The following DCC variants were observed in gnomAD, a reference collection of about 807,000 sequenced individuals.
The protein encoded by DCC is netrin receptor DCC.
DCC carries 58 observed loss-of-function variants against 172.5 expected under a neutral mutation model. The ratio of observed to expected loss-of-function variants is 0.34; its 90% confidence interval spans 0.27 to 0.42. The LOEUF (loss-of-function observed/expected upper bound fraction) is 0.42, where lower values mean the gene tolerates loss of function less well. DCC is among the 10% of genes least tolerant of loss of function. The probability of loss-of-function intolerance (pLI) is 1.00; values close to 1 mark genes in which losing one functional copy is unlikely to be tolerated. For missense variants in DCC, 1,740 were observed against 1,791.0 expected, an observed-to-expected ratio of 0.97 and a Z score of 0.51; for synonymous variants, 709 against 644.5, an observed-to-expected ratio of 1.10 and a Z score of -1.52.
chr18:52,533,446 A>G (rs2032206058), intron 1 of DCC, among the ~76,000 whole-genome samples: 1 of 152,082 alleles, frequency 6.6e-6, no homozygotes. Flanking sequence ...ACCGATCTCC[A>G]TTTCTAAACC....
At chr18:52,794,664 T>A (rs924041840) in intron 2 of DCC, among the ~76,000 whole-genome samples, 1 of 152,110 alleles carries the variant, frequency 6.6e-6, no homozygotes, top group Non-Finnish European at 1.5e-5. Context: ...GCACTTCCAG[T>A]ACTATGCTGA....
At chr18:52,971,547 A>G (rs2041031035) in intron 5 of DCC, among the ~76,000 whole-genome samples, 1 of 151,864 alleles carries the variant, frequency 6.6e-6, no homozygotes, top group African/African-American at 2.4e-5. Flanking sequence ...ACACACAAAC[A>G]TATCTTCCCA....
intron 1 of DCC, among the ~76,000 whole-genome samples, chr18:52,479,994 T>C (rs2029891145): frequency 6.6e-6 from 1 of 152,110 alleles, no homozygotes; most frequent in African/African-American, 2.4e-5. Flanking sequence ...GATCATCAAT[T>C]CTATGTAATG....
intron 12 of DCC, among the ~76,000 whole-genome samples, chr18:53,224,346 A>G (rs971070955): frequency 1.3e-5 from 2 of 152,186 alleles, no homozygotes; most frequent in African/African-American, 4.8e-5. Context: ...CATGACTGTG[A>G]AGCTGAAATG....
intron 9 of DCC, among the ~76,000 whole-genome samples, chr18:53,200,168 C>T (rs976368365): frequency 5.3e-5 from 8 of 152,224 alleles, no homozygotes; most frequent in African/African-American, 9.6e-5. Flanking sequence ...GTACTTACTG[C>T]CTGATATTTC....
At chr18:52,965,629 T>A (rs1222674200) in intron 5 of DCC, among the ~76,000 whole-genome samples, 1 of 152,206 alleles carries the variant, frequency 6.6e-6, no homozygotes, top group Non-Finnish European at 1.5e-5. Context: ...TATTTGGTTA[T>A]TTCAATAAAT....
chr18:53,047,457 AT>A lies in DCC; in HGVS notation c.986-15847del, dbSNP rs1568268436. ...TATATATATATATATATATATATAT[AT>A]ATATACCATTTTTGCTATTGAGGAA... On this transcript the variant is annotated intron_variant, in intron 5 of 28. Coordinates refer to ENST00000442544, the MANE Select transcript of DCC (RefSeq NM_005215.4). Among the ~76,000 whole-genome samples the A allele has an allele frequency of 3.0e-5, 3 of 100,060 alleles. No individual in the cohort carries two copies. The East Asian group carries it at 1.1e-3, about 38-fold the overall frequency. The allele number at this position is 100,060 out of a possible 152,430, so 65.6% of individuals were successfully genotyped here.
intron 1 of DCC, among the ~76,000 whole-genome samples, chr18:52,707,068 C>T (rs1463328680): frequency 6.6e-6 from 1 of 152,076 alleles, no homozygotes; most frequent in African/African-American, 2.4e-5. Context: ...GAAAGTAATA[C>T]CCTTCAGTAA....
At chr18:52,948,584 C>G (rs2040586479) in intron 5 of DCC, among the ~76,000 whole-genome samples, 1 of 152,132 alleles carries the variant, frequency 6.6e-6, no homozygotes, top group East Asian at 1.9e-4. Flanking sequence ...AAATGGCATG[C>G]CTACATCACT....
At chr18:52,833,920 T>A (rs1006741935) in intron 2 of DCC, among the ~76,000 whole-genome samples, 1 of 152,118 alleles carries the variant, frequency 6.6e-6, no homozygotes, top group African/African-American at 2.4e-5. Context: ...GGCTTCGGCC[T>A]CCCAAAGTAC....
At chr18:52,881,281 A>G (rs2039481223) in intron 2 of DCC, among the ~76,000 whole-genome samples, 1 of 151,974 alleles carries the variant, frequency 6.6e-6, no homozygotes. Flanking sequence ...GTAGTTTGCA[A>G]ATATTTTCTT....
In DCC at chr18:53,163,996, A is replaced by C. The variant is rs117575958; in HGVS notation, c.1418+6484A>C. ...ACTTAAAGAAGAAGTTTATACCTCC[A>C]TTATACAGCTAGTAAGTAGTAGAAC... is the stretch of plus-strand genomic sequence containing the variant. On this transcript the variant is annotated intron_variant, in intron 8 of 28. Coordinates refer to ENST00000442544, the MANE Select transcript of DCC (RefSeq NM_005215.4). Among the ~76,000 whole-genome samples, 1,101 of 152,304 alleles carry C rather than the reference A, an allele frequency of 7.2e-3. 12 individuals carry two copies. Among genetic ancestry groups the C allele is most frequent in the Non-Finnish European group, 9.4e-3 (639 of 68,022 alleles).
At chr18:53,234,776 G>T (rs2056177519) in intron 12 of DCC, among the ~76,000 whole-genome samples, 1 of 152,172 alleles carries the variant, frequency 6.6e-6, no homozygotes, top group Admixed American at 6.5e-5. Context: ...CACACATGTG[G>T]ATTCTCAGTG....
chr18:52,504,145 G>A (rs1284932097), intron 1 of DCC, among the ~76,000 whole-genome samples: 1 of 152,150 alleles, frequency 6.6e-6, no homozygotes, highest in Non-Finnish European at 1.5e-5. Context: ...GCGTTGGGGA[G>A]GGGGGCTGGT....
At chr18:52,828,788 T>C (rs988660177) in intron 2 of DCC, among the ~76,000 whole-genome samples, 5 of 152,182 alleles carry the variant, frequency 3.3e-5, no homozygotes, top group Admixed American at 2.6e-4. Context: ...CCAGTTACTT[T>C]AGTAAGTGCT....
intron 1 of DCC, among the ~76,000 whole-genome samples, chr18:52,577,263 AG>A (rs1410050088): frequency 2.0e-5 from 3 of 152,248 alleles, no homozygotes; most frequent in Non-Finnish European, 4.4e-5. Context: ...ATCTGATGGA[AG>A]GGTAATGATA....
chr18:52,814,831 C>A (rs1030776172), intron 2 of DCC, among the ~76,000 whole-genome samples: 2 of 152,030 alleles, frequency 1.3e-5, no homozygotes, highest in African/African-American at 2.4e-5. Flanking sequence ...GCATGATTCT[C>A]TGAATGGAGG....
intron 5 of DCC, among the ~76,000 whole-genome samples, chr18:53,020,720 C>T (rs2041868467): frequency 2.0e-5 from 3 of 152,086 alleles, no homozygotes. Flanking sequence ...CAACATATTT[C>T]CCATTTAGAA....
chr18:52,810,183 T>C (rs2038166905), intron 2 of DCC, among the ~76,000 whole-genome samples: 1 of 152,124 alleles, frequency 6.6e-6, no homozygotes, highest in Non-Finnish European at 1.5e-5. Flanking sequence ...CAGGAGCTAA[T>C]GAAAGCATCA....
Sources: gnomAD v4.1 joint callset for allele counts (sites outside exome capture counted in the v4.1 genomes callset) on GRCh38, gnomAD v4.1.1 for gene constraint, MANE v1.5 for transcripts, NCBI Gene and HGNC (gene_info 2026-07-23, HGNC 2026-07-21) for gene names.